MRPL3: variants seen among roughly 807,000 people sequenced by gnomAD.
MRPL3 encodes the protein large ribosomal subunit protein uL3m.
In MRPL3, 43 loss-of-function variants were observed where a neutral mutation model predicts 44.3. That is an observed-to-expected ratio of 0.97 (90% CI 0.76 to 1.25). MRPL3 has a LOEUF of 1.25. MRPL3 is among the 50% of genes most tolerant of loss of function. MRPL3 has a pLI of 0.00. For synonymous variants in MRPL3, 171 were observed against 152.3 expected, an observed-to-expected ratio of 1.12 and a Z score of -0.91; for missense variants, 406 against 427.6, an observed-to-expected ratio of 0.95 and a Z score of 0.45.
At chr3:131,478,525 G>GA (rs1305003317) in intron 6 of MRPL3, among the ~76,000 whole-genome samples, 1 of 151,958 alleles carries the variant, frequency 6.6e-6, no homozygotes. Flanking sequence ...TCCAAACACT[G>GA]AAAAATCTTA....
rs534166184 is a variant in MRPL3 at position 131,474,147 on chromosome 3, C to A, written c.630-2868G>T. ...ACAATAGCCAAGATACAGAATCAAC[C>A]TAAGTGTCCAATAACAGACAAAATA... is the stretch of plus-strand genomic sequence containing the variant. On this transcript the variant is annotated intron_variant, in intron 6 of 9. Transcript: ENST00000264995. Among the ~76,000 whole-genome samples the A allele has an allele frequency of 2.0e-5, 3 of 152,166 alleles. No homozygotes were observed. In the South Asian group the frequency reaches 6.2e-4, roughly 32 times the overall value.
intron 4 of MRPL3, among the ~76,000 whole-genome samples, chr3:131,497,495 T>C (rs906009240): frequency 1.3e-5 from 2 of 152,178 alleles, no homozygotes; most frequent in Non-Finnish European, 2.9e-5. Context: ...AAGTTTGTCT[T>C]AGAGATAAGC....
intron 6 of MRPL3, among the ~76,000 whole-genome samples, chr3:131,483,760 G>C (rs1300386744): frequency 2.0e-5 from 3 of 152,262 alleles, no homozygotes; most frequent in South Asian, 4.1e-4. Context: ...TCCTGAGGTA[G>C]ACAGATACTT....
chr3:131,492,458 G>A (rs192740133), intron 4 of MRPL3, among the ~76,000 whole-genome samples: 1 of 152,252 alleles, frequency 6.6e-6, no homozygotes, highest in East Asian at 1.9e-4. Context: ...GAATGAAACT[G>A]TTCCACCTCA....
At chr3:131,494,157 T>A (rs1479324842) in intron 4 of MRPL3, among the ~76,000 whole-genome samples, 1 of 152,228 alleles carries the variant, frequency 6.6e-6, no homozygotes, top group Non-Finnish European at 1.5e-5. Context: ...GAAGCTCTAC[T>A]TTGATGTCCA....
Position 131,502,580 on chromosome 3 carries a change from GCTTCC to G in MRPL3, c.92+145_92+149del, listed in dbSNP as rs1394476359. ...CACCACTTCAATCCCCTTAGAACGT[GCTTCC>G]TTAGGTTAACGGCCCTTATTCTTCT... On this transcript the variant is annotated intron_variant, in intron 1 of 9. Coordinates refer to ENST00000264995, the MANE Select transcript of MRPL3 (RefSeq NM_007208.4). 5 of 624,098 alleles carry G rather than the reference GCTTCC, an allele frequency of 8.0e-6. No homozygotes were observed. In the African/African-American group the frequency reaches 9.5e-5, roughly 12 times the overall value. 38.7% of individuals were successfully genotyped at this position (624,098 alleles called of 1,614,324 possible).
chr3:131,498,230 A>T lies in MRPL3; in HGVS notation c.417T>A (p.Asn139Lys). 1 of 1,612,854 alleles carries T rather than the reference A, an allele frequency of 6.2e-7. No individual in the cohort carries two copies. Among genetic ancestry groups the T allele is most frequent in the Non-Finnish European group, 8.5e-7 (1 of 1,178,878 alleles). Residue 139 changes from asparagine to lysine, a missense_variant, in exon 4 of 10, where the codon AAT becomes AAA. By Grantham distance (94) the Asn-to-Lys change is moderately conservative. Transcript: ENST00000264995. ...CTACAGACAGGGTTGCCATTTTTCC[A>T]TTACAGTTTTCCTTTGACGTATATT... ...VLKYTSKENCNGKMATLSVGG... is the reference protein window; with the variant it reads ...VLKYTSKENCKGKMATLSVGG...
At chr3:131,486,455 T>A (rs1388150197) in intron 6 of MRPL3, among the ~76,000 whole-genome samples, 2 of 151,344 alleles carry the variant, frequency 1.3e-5, no homozygotes, top group Non-Finnish European at 2.9e-5. Context: ...TTTTTTTTTT[T>A]TTTTATTATA....
At chr3:131,473,335 T>C (rs936610773) in intron 6 of MRPL3, among the ~76,000 whole-genome samples, 2 of 151,910 alleles carry the variant, frequency 1.3e-5, no homozygotes, top group Non-Finnish European at 2.9e-5. Context: ...TAAATGGTGC[T>C]GGAAAACTTG....
chr3:131,477,304 A>G (rs1457588299), intron 6 of MRPL3, among the ~76,000 whole-genome samples: 1 of 152,104 alleles, frequency 6.6e-6, no homozygotes, highest in Non-Finnish European at 1.5e-5. Context: ...TCCCCTGAGT[A>G]TCTCCCTTGA....
chr3:131,490,544 C>T (rs1263284906), intron 4 of MRPL3, among the ~76,000 whole-genome samples: 2 of 152,172 alleles, frequency 1.3e-5, no homozygotes, highest in Non-Finnish European at 2.9e-5. Context: ...TCTAGAGATA[C>T]CTACATATCT....
intron 9 of MRPL3, among the ~76,000 whole-genome samples, chr3:131,465,549 T>A (rs1030665919): frequency 2.0e-5 from 3 of 152,166 alleles, no homozygotes; most frequent in African/African-American, 7.2e-5. Flanking sequence ...ATCATGTATG[T>A]AGAAAAATAG....
At chr3:131,499,321 T>C (rs1242463789) in intron 3 of MRPL3, among the ~76,000 whole-genome samples, 3 of 152,202 alleles carry the variant, frequency 2.0e-5, no homozygotes, top group African/African-American at 7.2e-5. Context: ...ATTTCTAGTT[T>C]GTTGGCGTTA....
At chr3:131,466,794 AGG>A (rs1474349393) in intron 9 of MRPL3, among the ~76,000 whole-genome samples, 1 of 152,134 alleles carries the variant, frequency 6.6e-6, no homozygotes, top group Non-Finnish European at 1.5e-5. Context: ...TGATAAAATC[AGG>A]ATAACTAGCA....
intron 6 of MRPL3, among the ~76,000 whole-genome samples, chr3:131,479,961 T>C (rs562487013): frequency 1.3e-5 from 2 of 152,318 alleles, no homozygotes; most frequent in Non-Finnish European, 2.9e-5. Flanking sequence ...ATCACTTTAC[T>C]ATGCTTTAGA....
At chr3:131,492,353 T>C (rs1036064735) in intron 4 of MRPL3, among the ~76,000 whole-genome samples, 4 of 152,192 alleles carry the variant, frequency 2.6e-5, no homozygotes, top group African/African-American at 9.7e-5. Context: ...ACTGTTTCTA[T>C]GTCAGCAGTA....
In MRPL3 at chr3:131,482,209, C is replaced by A. The variant is rs374180088; in HGVS notation, c.629+5471G>T. Among the ~76,000 whole-genome samples the A allele has an allele frequency of 4.5e-4, 69 of 152,190 alleles. 2 individuals carry two copies. In the South Asian group the frequency reaches 0.014, roughly 31 times the overall value. Reference sequence around the variant, plus strand: ...GTGCTCCAATACCTAATCTCCTCCACCCCCCTCCCCTTAATTTTTATTACT... The same window carrying A: ...GTGCTCCAATACCTAATCTCCTCCAACCCCCTCCCCTTAATTTTTATTACT... On this transcript the variant is annotated intron_variant, in intron 6 of 9. Transcript: ENST00000264995.
At chr3:131,462,942 T>C in intron 9 of MRPL3, 67 bp from the exon 10 acceptor site, 5 of 1,369,780 alleles carry the variant, frequency 3.7e-6, no homozygotes, top group Non-Finnish European at 5.0e-6. Context: ...TCAGCTATTA[T>C]TCATAATCAA....
intron 6 of MRPL3, among the ~76,000 whole-genome samples, chr3:131,476,206 G>C (rs1933848755): frequency 6.6e-6 from 1 of 152,170 alleles, no homozygotes; most frequent in African/African-American, 2.4e-5. Flanking sequence ...ACATCATGTA[G>C]TTATACTCTG....
Sources: allele counts gnomAD v4.1 joint callset (sites outside exome capture counted in the v4.1 genomes callset), GRCh38; gene constraint gnomAD v4.1.1; transcripts MANE v1.5; gene names NCBI Gene and HGNC (gene_info 2026-07-23, HGNC 2026-07-21).